The following FBXL4 variants were observed in gnomAD, a reference collection of about 807,000 sequenced individuals.
The protein encoded by FBXL4 is F-box and leucine rich repeat protein 4.
A neutral mutation model predicts 58.9 loss-of-function variants in FBXL4; 40 were observed. The observed-to-expected ratio is 0.68, with a 90% CI of 0.53 to 0.88. The LOEUF (loss-of-function observed/expected upper bound fraction) is 0.88, where lower values mean the gene tolerates loss of function less well. Among genes scored for constraint, FBXL4 ranks in the 40% least tolerant of loss-of-function variants. The pLI is 0.00. For missense variants in FBXL4, 676 were observed against 734.4 expected (o/e 0.92, Z 0.92); for synonymous variants, 263 against 265.5 (o/e 0.99, Z 0.09).
intron 7 of FBXL4, among the ~76,000 whole-genome samples, chr6:98,884,868 G>A (rs1273716847): frequency 2.0e-5 from 3 of 151,982 alleles, no homozygotes; most frequent in African/African-American, 7.3e-5. Context: ...TAGTACCAGC[G>A]GTTAGAGTGG....
In FBXL4 at chr6:98,873,850, T is replaced by C. The variant is rs2128374454; in HGVS notation, c.*428A>G. ...TCTCCAACTAGCTCTGACCATTTTG[T>C]ACATACCAAACAAAACACTTGCCAG... On this transcript the variant is annotated 3_prime_UTR_variant, in exon 10 of 10. Coordinates refer to ENST00000369244, the MANE Select transcript of FBXL4 (RefSeq NM_001278716.2). 1 of 154,456 alleles carries C rather than the reference T, an allele frequency of 6.5e-6. No individual in the cohort carries two copies. The highest frequency in any genetic ancestry group is 1.9e-4 in the East Asian group (1 of 5,216). 9.6% of individuals were successfully genotyped at this position (154,456 alleles called of 1,614,324 possible).
intron 6 of FBXL4, among the ~76,000 whole-genome samples, chr6:98,905,043 A>C (rs1771746823): frequency 6.6e-6 from 1 of 152,164 alleles, no homozygotes; most frequent in African/African-American, 2.4e-5. Flanking sequence ...TTCTATAATA[A>C]ATTGTTTTCC....
At chr6:98,929,669 C>T (rs1342317318) in intron 2 of FBXL4, among the ~76,000 whole-genome samples, 1 of 151,970 alleles carries the variant, frequency 6.6e-6, no homozygotes, top group Non-Finnish European at 1.5e-5. Context: ...CTCATGGAAC[C>T]AGTTACAGGC....
chr6:98,898,405 A>T, intron 7 of FBXL4: 2 of 985,312 alleles, frequency 2.0e-6, no homozygotes, highest in Non-Finnish European at 2.4e-6. Context: ...GTATGTGTAA[A>T]ACCATGCACA....
At chr6:98,902,224 GT>G (rs1488971046) in intron 6 of FBXL4, among the ~76,000 whole-genome samples, 1 of 151,980 alleles carries the variant, frequency 6.6e-6, no homozygotes, top group Non-Finnish European at 1.5e-5. Flanking sequence ...CTAATCTCAT[GT>G]TTTTTTAGCT....
In FBXL4 at chr6:98,868,956, T is replaced by A. The variant is rs921454723; in HGVS notation, c.*5322A>T. On this transcript the variant is annotated 3_prime_UTR_variant, in exon 10 of 10. Transcript: ENST00000369244. ...CACACTTACTGCTGTGCCAAAGGAA[T>A]AATCTTGGCCCCATCCCTACTTATA... The A allele has an allele frequency of 6.6e-5, 10 of 152,204 alleles. No homozygotes were observed. The highest frequency in any genetic ancestry group is 9.6e-5 in the African/African-American group (4 of 41,454). 9.4% of individuals were successfully genotyped at this position (152,204 alleles called of 1,614,324 possible). A position where few individuals can be genotyped will look rare whatever the true frequency, so the allele number is the denominator to read the frequency against.
Position 98,871,519 on chromosome 6 carries a change from T to C in FBXL4, c.*2759A>G, listed in dbSNP as rs1325847993. 1 of 152,224 alleles carries C rather than the reference T, an allele frequency of 6.6e-6. No homozygotes were observed. Among genetic ancestry groups the C allele is most frequent in the African/African-American group, 2.4e-5 (1 of 41,464 alleles). The allele number at this position is 152,224 out of a possible 1,614,324, so 9.4% of individuals were successfully genotyped here. ...AAATTTCATGCAACCTGAAGTAGAA[T>C]CTGCTAAGATGTGTTACAACTGGTG... On this transcript the variant is annotated 3_prime_UTR_variant, in exon 10 of 10. Coordinates refer to ENST00000369244, the MANE Select transcript of FBXL4 (RefSeq NM_001278716.2).
chr6:98,932,235 C>T (rs1442158415), intron 2 of FBXL4, among the ~76,000 whole-genome samples: 2 of 152,062 alleles, frequency 1.3e-5, no homozygotes, highest in South Asian at 4.1e-4. Context: ...TCATTTGTTG[C>T]TTAATCCAAT....
At chr6:98,905,326 C>A in intron 6 of FBXL4, 100 bp downstream of exon 6, 5 of 1,309,950 alleles carry the variant, frequency 3.8e-6, no homozygotes, top group South Asian at 2.8e-5. Flanking sequence ...TTTGTAAGTA[C>A]ATGTTACATA....
At chr6:98,920,294 T>C (rs910715779) in intron 4 of FBXL4, among the ~76,000 whole-genome samples, 20 of 152,190 alleles carry the variant, frequency 1.3e-4, no homozygotes, top group African/African-American at 4.3e-4. Context: ...TTAACATTTC[T>C]AGCATGTTTA....
chr6:98,924,923 C>T (rs1392), intron 4 of FBXL4, among the ~76,000 whole-genome samples: 54,787 of 151,984 alleles, frequency 0.36, 10,402 homozygotes, highest in Middle Eastern at 0.46. Flanking sequence ...AGAATGAGAG[C>T]GGGAATTTTT....
intron 4 of FBXL4, among the ~76,000 whole-genome samples, chr6:98,922,388 G>T (rs1280680743): frequency 6.6e-6 from 1 of 152,200 alleles, no homozygotes; most frequent in African/African-American, 2.4e-5. Flanking sequence ...GGGACTAAAA[G>T]AAGTCAATTT....
At chr6:98,905,284 A>G in intron 6 of FBXL4, 142 bp downstream of exon 6, 1 of 1,031,086 alleles carries the variant, frequency 9.7e-7, no homozygotes, top group Non-Finnish European at 1.4e-6. Flanking sequence ...AGCATTCTAA[A>G]CATGACACTC....
intron 4 of FBXL4, among the ~76,000 whole-genome samples, chr6:98,925,364 TTAAAAA>T (rs1427120702): frequency 6.6e-6 from 1 of 152,124 alleles, no homozygotes; most frequent in African/African-American, 2.4e-5. Context: ...ATTACAACTG[TTAAAAA>T]TTAAAATTAA....
chr6:98,875,035 G>A (rs1447563932), intron 9 of FBXL4, among the ~76,000 whole-genome samples: 1 of 151,914 alleles, frequency 6.6e-6, no homozygotes, highest in Non-Finnish European at 1.5e-5. Flanking sequence ...CCTTAATCAA[G>A]AATTTTAATT....
At chr6:98,881,021 G>T (rs545120532) in intron 7 of FBXL4, among the ~76,000 whole-genome samples, 3 of 152,234 alleles carry the variant, frequency 2.0e-5, no homozygotes, top group Admixed American at 2.0e-4. Flanking sequence ...CAGCAGGCTG[G>T]TGACACTCCT....
intron 5 of FBXL4, among the ~76,000 whole-genome samples, chr6:98,910,679 A>C (rs999842737): frequency 6.6e-6 from 1 of 151,860 alleles, no homozygotes; most frequent in Admixed American, 6.6e-5. Context: ...AAAAAAAAAA[A>C]GTATTGTGGG....
chr6:98,897,077 A>C (rs981524454), intron 7 of FBXL4: 5 of 983,436 alleles, frequency 5.1e-6, no homozygotes, highest in Non-Finnish European at 6.0e-6. Flanking sequence ...TTTTTACCCT[A>C]TTTTTCTTCT....
chr6:98,875,208 T>C (rs1388592079), intron 9 of FBXL4: 26 of 582,514 alleles, frequency 4.5e-5, no homozygotes, highest in Non-Finnish European at 2.4e-5. Flanking sequence ...AAAATTGTTA[T>C]TGTCCTCACT....
Sources: allele counts gnomAD v4.1 joint callset (sites outside exome capture counted in the v4.1 genomes callset), GRCh38; gene constraint gnomAD v4.1.1; transcripts MANE v1.5; gene names NCBI Gene and HGNC (gene_info 2026-07-23, HGNC 2026-07-21).